VPS13B: variants seen among roughly 807,000 people sequenced by gnomAD.
VPS13B encodes intermembrane lipid transfer protein VPS13B.
VPS13B carries 285 observed loss-of-function variants against 426.4 expected under a neutral mutation model. The ratio of observed to expected loss-of-function variants is 0.67; its 90% confidence interval spans 0.61 to 0.74. The LOEUF is 0.74. VPS13B is among the 30% of genes least tolerant of loss of function. The pLI, the probability that VPS13B is intolerant of heterozygous loss-of-function variation, is 0.00. For missense variants in VPS13B, 4,537 were observed against 4,782.6 expected (o/e 0.95, Z 1.51); for synonymous variants, 1,676 against 1,676.4 (o/e 1.00, Z 0.01).
chr8:99,431,561 T>G lies in VPS13B; in HGVS notation c.3107T>G (p.Val1036Gly), dbSNP rs1419482193. 1 of 1,613,486 alleles carries G rather than the reference T, an allele frequency of 6.2e-7. No homozygotes were observed. The highest frequency in any genetic ancestry group is 1.1e-5 in the South Asian group (1 of 91,066). Residue 1036 changes from valine to glycine, a missense_variant, in exon 22 of 62, where the codon GTT becomes GGT. By Grantham distance (109) the Val-to-Gly change is moderately radical. Around this residue, in one of 2 missense-constraint regions of VPS13B, gnomAD observed 4,311 missense variants for 4,474.3 expected, o/e 0.96. Coordinates refer to ENST00000357162, the MANE Select transcript of VPS13B (RefSeq NM_152564.5). ...VTESRPLSVP[V>G]KAMLNISESC... ...GAATCCCGCCCATTGTCAGTTCCTG[T>G]TAAAGCCATGTTGAATATATCTGAA...
intron 57 of VPS13B, among the ~76,000 whole-genome samples, chr8:99,861,434 T>C (rs941840298): frequency 2.8e-4 from 42 of 152,182 alleles, no homozygotes; most frequent in African/African-American, 9.9e-4. Context: ...CCTGAGTAGC[T>C]GAGACTACAG....
At chr8:99,312,315 C>G (rs968102992) in intron 19 of VPS13B, among the ~76,000 whole-genome samples, 18 of 152,118 alleles carry the variant, frequency 1.2e-4, no homozygotes, top group Non-Finnish European at 2.2e-4. Flanking sequence ...ACCAGTTGTT[C>G]CTTTCCATGT....
rs557869323 is a variant in VPS13B, at chr8:99,832,241, G to A, written c.9331-128G>A. 5 of 1,325,522 alleles carry A rather than the reference G, an allele frequency of 3.8e-6. No homozygotes were observed. In the African/African-American group the frequency reaches 7.7e-5, roughly 21 times the overall value. The allele number at this position is 1,325,522 out of a possible 1,614,324, so 82.1% of individuals were successfully genotyped here. A position where few individuals can be genotyped will look rare whatever the true frequency, so the allele number is the denominator to read the frequency against. On this transcript the variant is annotated intron_variant, in intron 51 of 61. Transcript: ENST00000357162. ...GGTGCCACTGCACTCCCGCCTGCGT[G>A]ATGGAGTGAGACTGTCTCAAAAAAA...
At chr8:99,641,045 A>G (rs1829337239) in intron 33 of VPS13B, among the ~76,000 whole-genome samples, 1 of 152,200 alleles carries the variant, frequency 6.6e-6, no homozygotes, top group Non-Finnish European at 1.5e-5. Flanking sequence ...CTTGGAGCCA[A>G]ATGATTATAA....
chr8:99,270,129 A>ATATTTTTTTTTTT (rs1370378172), intron 17 of VPS13B, among the ~76,000 whole-genome samples: 3 of 16,826 alleles, frequency 1.8e-4, no homozygotes, highest in Non-Finnish European at 4.6e-4. Context: ...AGATATAAGA[A>ATATTTTTTTTTTT]TCTTTTTTTT....
At chr8:99,832,312 T>C (rs1815109573) in intron 51 of VPS13B, 57 bp from the exon 52 acceptor site, 18 of 1,452,824 alleles carry the variant, frequency 1.2e-5, no homozygotes, top group Non-Finnish European at 1.6e-5. Context: ...TTAATTCTGC[T>C]GTATTACTGT....
At chr8:99,501,950 TGTCTGTCTGTCTGTCTGTCTGTCTTTCC>T in intron 26 of VPS13B, 92 bp downstream of exon 26, 1 of 1,100,650 alleles carries the variant, frequency 9.1e-7, no homozygotes, top group South Asian at 1.4e-5. Flanking sequence ...CTTTCTTTTC[TGTCTGTCTGTCTGTCTGTCTGTCTTTCC>T]GTCTGTCTGT....
chr8:99,870,921 T>A (rs1197533674), intron 60 of VPS13B, 34 bp downstream of exon 60: 3 of 1,600,950 alleles, frequency 1.9e-6, no homozygotes, highest in African/African-American at 2.7e-5. Context: ...CAACTTTACA[T>A]CCATATTGTA....
At chr8:99,768,737 G>A (rs1179875875) in intron 40 of VPS13B, among the ~76,000 whole-genome samples, 1 of 152,128 alleles carries the variant, frequency 6.6e-6, no homozygotes, top group Middle Eastern at 3.2e-3. Context: ...ATATATTAGA[G>A]AAGTAGTGTT....
chr8:99,189,628 C>T (rs1290872662), intron 16 of VPS13B, among the ~76,000 whole-genome samples: 1 of 151,902 alleles, frequency 6.6e-6, no homozygotes, highest in Admixed American at 6.6e-5. Flanking sequence ...TTTTATATTG[C>T]CCTTTCCTGT....
chr8:99,631,954 C>T (rs534291546), intron 33 of VPS13B, among the ~76,000 whole-genome samples: 6 of 151,690 alleles, frequency 4.0e-5, no homozygotes, highest in African/African-American at 1.5e-4. Context: ...ATATTTTATC[C>T]CAATAAATTA....
intron 22 of VPS13B, among the ~76,000 whole-genome samples, chr8:99,435,710 G>A (rs866133753): frequency 5.3e-5 from 8 of 152,296 alleles, no homozygotes; most frequent in Middle Eastern, 3.4e-3. Context: ...GCAGGACTTA[G>A]TAATTAATTG....
In VPS13B at chr8:99,212,775, TTATGA is replaced by T. The variant is rs560088474; in HGVS notation, c.2515+19725_2515+19729del. 2.2e-3 allele frequency among the ~76,000 whole-genome samples: 337 copies of T among 152,312 alleles called. 2 individuals are homozygous for T. The highest frequency in any genetic ancestry group is 7.9e-3 in the African/African-American group (329 of 41,574). On this transcript the variant is annotated intron_variant, in intron 17 of 61. Transcript: ENST00000357162. ...TTCTGAGCATGAAATCAAAAGGTCC[TTATGA>T]TATGATTCTTTTCTACCAATGTATG...
intron 23 of VPS13B, among the ~76,000 whole-genome samples, chr8:99,466,675 AT>A (rs1253586204): frequency 1.3e-5 from 2 of 152,168 alleles, no homozygotes; most frequent in African/African-American, 4.8e-5. Context: ...TATCAAGTGC[AT>A]TTTATTTAAA....
At chr8:99,024,768 GC>G (rs1842054597) in intron 2 of VPS13B, among the ~76,000 whole-genome samples, 1 of 152,154 alleles carries the variant, frequency 6.6e-6, no homozygotes, top group Admixed American at 6.5e-5. Context: ...GCTCAGAATT[GC>G]TTTGGTTATT....
At chr8:99,365,579 C>T (rs1404791909) in intron 19 of VPS13B, among the ~76,000 whole-genome samples, 4 of 138,550 alleles carry the variant, frequency 2.9e-5, no homozygotes, top group East Asian at 4.2e-4. Flanking sequence ...TGCAGTGGCA[C>T]GATCTCGGCT....
chr8:99,757,429 T>G (rs918452872), intron 39 of VPS13B, among the ~76,000 whole-genome samples: 1 of 152,202 alleles, frequency 6.6e-6, no homozygotes, highest in African/African-American at 2.4e-5. Flanking sequence ...CTCTTTATTA[T>G]GCACATATAT....
At chr8:99,609,654 T>C (rs1181995833) in intron 33 of VPS13B, among the ~76,000 whole-genome samples, 1 of 152,212 alleles carries the variant, frequency 6.6e-6, no homozygotes, top group African/African-American at 2.4e-5. Flanking sequence ...CAAAAATGTC[T>C]TATGTGTACT....
intron 39 of VPS13B, among the ~76,000 whole-genome samples, chr8:99,752,428 A>G (rs1810444605): frequency 6.6e-6 from 1 of 152,196 alleles, no homozygotes; most frequent in Admixed American, 6.5e-5. Flanking sequence ...TTTTATTGGA[A>G]CATAGACACA....
Sources: allele counts gnomAD v4.1 joint callset (sites outside exome capture counted in the v4.1 genomes callset), GRCh38; gene constraint gnomAD v4.1.1; regional missense constraint gnomAD v4.1.1; transcripts MANE v1.5; gene names NCBI Gene and HGNC (gene_info 2026-07-23, HGNC 2026-07-21).